The following ASTN2 variants were observed in gnomAD, a reference collection of about 807,000 sequenced individuals.
ASTN2 encodes astrotactin-2.
A neutral mutation model predicts 139.8 loss-of-function variants in ASTN2; 54 were observed. That is an observed-to-expected ratio of 0.39 (90% CI 0.31 to 0.48). The LOEUF (loss-of-function observed/expected upper bound fraction) is 0.48, where lower values mean the gene tolerates loss of function less well. Ranked by LOEUF, ASTN2 falls within the 20% of genes least tolerant of loss-of-function variation. The probability of loss-of-function intolerance (pLI) is 0.95; values close to 1 mark genes in which losing one functional copy is unlikely to be tolerated. For synonymous variants in ASTN2, 756 were observed against 719.5 expected, an observed-to-expected ratio of 1.05 and a Z score of -0.81; for missense variants, 1,565 against 1,725.1, an observed-to-expected ratio of 0.91 and a Z score of 1.64.
chr9:116,741,712 T>C (rs1172126304), intron 13 of ASTN2, among the ~76,000 whole-genome samples: 1 of 152,116 alleles, frequency 6.6e-6, no homozygotes, highest in Non-Finnish European at 1.5e-5. Flanking sequence ...CTGGGCTAGA[T>C]TTTGTAGCTG....
At position 117,077,106 on chromosome 9, in the gene ASTN2, G is replaced by A. The variant is rs72757449; in HGVS notation, c.1276+18938C>T. The stretch of plus-strand genomic sequence containing the variant: ...CAGGCAGCCCAGCATAAATACATGT[G>A]GGAGAGCAGGCAGGGGAGAGAGACA... On this transcript the variant is annotated intron_variant, in intron 5 of 22. Coordinates refer to ENST00000313400, the MANE Select transcript of ASTN2 (RefSeq NM_001365068.1). Among the ~76,000 whole-genome samples the A allele has an allele frequency of 4.6e-3, 703 of 152,258 alleles. 1 individual carries two copies. The highest frequency in any genetic ancestry group is 8.2e-3 in the Non-Finnish European group (558 of 68,032).
chr9:116,531,579 T>C (rs970562931), intron 19 of ASTN2, among the ~76,000 whole-genome samples: 2 of 144,412 alleles, frequency 1.4e-5, no homozygotes, highest in Admixed American at 7.0e-5. Context: ...AGTGTTCTCA[T>C]TGTTCAATTC....
At chr9:116,628,160 T>C (rs1190543383) in intron 17 of ASTN2, among the ~76,000 whole-genome samples, 1 of 152,150 alleles carries the variant, frequency 6.6e-6, no homozygotes, top group Admixed American at 6.5e-5. Context: ...CCAATGAAAA[T>C]ATCATATGAA....
At chr9:116,594,107 T>C (rs113091967) in intron 19 of ASTN2, among the ~76,000 whole-genome samples, 154 of 152,312 alleles carry the variant, frequency 1.0e-3, no homozygotes, top group African/African-American at 3.5e-3. Context: ...TTAAGAAACA[T>C]CAATCTTTAA....
intron 21 of ASTN2, among the ~76,000 whole-genome samples, chr9:116,441,705 A>C (rs1847844584): frequency 6.6e-6 from 1 of 152,130 alleles, no homozygotes; most frequent in East Asian, 1.9e-4. Flanking sequence ...CTATGTCTCT[A>C]CTGCATTGCT....
intron 10 of ASTN2, among the ~76,000 whole-genome samples, chr9:116,880,149 A>G (rs1369805403): frequency 1.3e-5 from 2 of 152,242 alleles, no homozygotes; most frequent in Non-Finnish European, 2.9e-5. Flanking sequence ...AGTAATTTCC[A>G]CTGGTGACAA....
intron 10 of ASTN2, among the ~76,000 whole-genome samples, chr9:116,937,098 A>G (rs1322262798): frequency 6.6e-6 from 1 of 152,156 alleles, no homozygotes; most frequent in Admixed American, 6.5e-5. Context: ...AACAACCTTG[A>G]TTTCCCCTTC....
intron 10 of ASTN2, among the ~76,000 whole-genome samples, chr9:116,882,573 G>A (rs1333381224): frequency 6.6e-6 from 1 of 152,060 alleles, no homozygotes; most frequent in Non-Finnish European, 1.5e-5. Flanking sequence ...CAAAAAACTG[G>A]GAGACTGCAA....
chr9:116,814,053 A>AG (rs949090964), intron 12 of ASTN2, among the ~76,000 whole-genome samples: 139 of 151,656 alleles, frequency 9.2e-4, no homozygotes, highest in African/African-American at 1.8e-3. Flanking sequence ...AAAAAAAAAA[A>AG]AGAGAGAGAG....
intron 13 of ASTN2, among the ~76,000 whole-genome samples, chr9:116,789,831 T>G (rs986557320): frequency 2.6e-5 from 4 of 151,940 alleles, no homozygotes; most frequent in Admixed American, 2.6e-4. Context: ...GTAAGTGGTA[T>G]CTCACAGATC....
chr9:117,154,356 C>T (rs1391313498), intron 3 of ASTN2, among the ~76,000 whole-genome samples: 1 of 151,804 alleles, frequency 6.6e-6, no homozygotes, highest in Non-Finnish European at 1.5e-5. Flanking sequence ...ATGCCGTCAC[C>T]ATCAACAAAA....
chr9:116,473,450 G>C (rs987729781), intron 20 of ASTN2, among the ~76,000 whole-genome samples: 4 of 152,200 alleles, frequency 2.6e-5, no homozygotes, highest in Admixed American at 6.5e-5. Flanking sequence ...TACGTCAGAT[G>C]ATGGGGGAAA....
rs562718908 is a variant in ASTN2 at position 116,458,293 on chromosome 9, A to G, written c.3498-15740T>C. Among the ~76,000 whole-genome samples the G allele has an allele frequency of 3.5e-4, 53 of 152,134 alleles. 1 individual carries two copies. In the South Asian group the frequency reaches 5.0e-3, roughly 14 times the overall value. ...TAATTAGATAAAATGAATAACATCT[A>G]GTATTTGATAGCAAAAGAGAGTGAC... is the stretch of plus-strand genomic sequence containing the variant. On this transcript the variant is annotated intron_variant, in intron 20 of 22. Transcript: ENST00000313400.
chr9:116,498,793 C>G (rs1408701491), intron 19 of ASTN2, among the ~76,000 whole-genome samples: 2 of 152,178 alleles, frequency 1.3e-5, no homozygotes, highest in Non-Finnish European at 2.9e-5. Context: ...CAATGTTCAG[C>G]TCCAAGGACA....
chr9:117,200,845 C>A (rs1015313259), intron 3 of ASTN2, among the ~76,000 whole-genome samples: 13 of 152,046 alleles, frequency 8.6e-5, no homozygotes, highest in African/African-American at 3.1e-4. Context: ...TGTCTCTTCC[C>A]AGTTTTGGTA....
intron 13 of ASTN2, among the ~76,000 whole-genome samples, chr9:116,788,836 A>T (rs1421429967): frequency 6.6e-6 from 1 of 152,198 alleles, no homozygotes; most frequent in Admixed American, 6.5e-5. Context: ...TAATACAAAA[A>T]ATAAAAAAGT....
At chr9:116,816,777 A>G (rs1452010855) in intron 12 of ASTN2, among the ~76,000 whole-genome samples, 1 of 152,098 alleles carries the variant, frequency 6.6e-6, no homozygotes, top group Non-Finnish European at 1.5e-5. Flanking sequence ...TGGAGAACGT[A>G]AACTGATGAG....
At chr9:116,633,994 G>T (rs369609752) in intron 17 of ASTN2, among the ~76,000 whole-genome samples, 2 of 152,144 alleles carry the variant, frequency 1.3e-5, no homozygotes, top group Non-Finnish European at 2.9e-5. Context: ...TACACGTGAC[G>T]GAGGGATGGT....
intron 4 of ASTN2, among the ~76,000 whole-genome samples, chr9:117,105,324 T>C (rs1302844308): frequency 6.6e-6 from 1 of 152,192 alleles, no homozygotes; most frequent in African/African-American, 2.4e-5. Context: ...ACTGCCACGG[T>C]GCTGTGAGAT....
Sources: gnomAD v4.1 joint callset for allele counts (sites outside exome capture counted in the v4.1 genomes callset) on GRCh38, gnomAD v4.1.1 for gene constraint, MANE v1.5 for transcripts, NCBI Gene and HGNC (gene_info 2026-07-23, HGNC 2026-07-21) for gene names.